The following UGT1A8 variants were observed in gnomAD, a reference collection of about 807,000 sequenced individuals.
UGT1A8 encodes UDP glucuronosyltransferase family 1 member A8.
UGT1A8 carries 39 observed loss-of-function variants against 45.3 expected under a neutral mutation model. The observed-to-expected ratio is 0.86, with a 90% CI of 0.67 to 1.12. The LOEUF is 1.12. UGT1A8 is among the 50% of genes most tolerant of loss of function. The pLI, the probability that UGT1A8 is intolerant of heterozygous loss-of-function variation, is 0.00. For missense variants in UGT1A8, 719 were observed against 664.9 expected (o/e 1.08, Z -0.90); for synonymous variants, 275 against 249.2 (o/e 1.10, Z -0.97).
At chr2:233,619,950 T>C (rs2072970424) in intron 1 of UGT1A8, among the ~76,000 whole-genome samples, 1 of 152,158 alleles carries the variant, frequency 6.6e-6, no homozygotes, top group Non-Finnish European at 1.5e-5. Flanking sequence ...GACTGAAAAA[T>C]CCTTGAAAAA....
chr2:233,682,770 A>G, intron 1 of UGT1A8: 2 of 1,613,604 alleles, frequency 1.2e-6, no homozygotes, highest in Non-Finnish European at 8.5e-7. Context: ...ATCAACTGTC[A>G]TCAGGGAAAG....
intron 1 of UGT1A8, among the ~76,000 whole-genome samples, chr2:233,728,166 GGAACCATTCTTATCAGAACTT>G (rs1169648713): frequency 6.6e-6 from 1 of 152,212 alleles, no homozygotes; most frequent in Non-Finnish European, 1.5e-5. Flanking sequence ...CTGTTCTGGA[GGAACCATTCTTATCAGAACTT>G]GGTGCTGGAT....
At chr2:233,628,457 T>G (rs1048235394) in intron 1 of UGT1A8, among the ~76,000 whole-genome samples, 22 of 152,190 alleles carry the variant, frequency 1.4e-4, no homozygotes, top group Non-Finnish European at 2.9e-4. Context: ...GATTAGTTTT[T>G]AAGTATTGTA....
chr2:233,656,674 A>G (rs894872003), intron 1 of UGT1A8, among the ~76,000 whole-genome samples: 17 of 152,152 alleles, frequency 1.1e-4, no homozygotes, highest in African/African-American at 4.1e-4. Context: ...AAAGTGGGTC[A>G]GTTGTGTTTA....
Position 233,769,638 on chromosome 2 carries a change from A to C in UGT1A8, c.1295+1199A>C. 1 of 1,610,122 alleles carries C rather than the reference A, an allele frequency of 6.2e-7. No homozygotes were observed. On this transcript the variant is annotated intron_variant, in intron 4 of 4. Transcript: ENST00000373450. This position sits in a 1 kb window ranked among gnomAD's most constrained non-coding sequence, Gnocchi z 4.4. ...CTTGAGCAAGGGACAACAGGGGAGGACTGATGACTGACTTCCCACCTTTGA... is the reference window on the plus strand; with the variant it reads ...CTTGAGCAAGGGACAACAGGGGAGGCCTGATGACTGACTTCCCACCTTTGA...
chr2:233,690,723 C>T (rs1575444181), intron 1 of UGT1A8: 1 of 1,214,546 alleles, frequency 8.2e-7, no homozygotes, highest in South Asian at 1.5e-5. Context: ...GACGAACAGA[C>T]ATGCCAGATT....
At chr2:233,724,617 C>T (rs553228713) in intron 1 of UGT1A8, among the ~76,000 whole-genome samples, 3,256 of 135,154 alleles carry the variant, frequency 0.024, 113 homozygotes, top group African/African-American at 0.056. Context: ...CGGGCAGAGA[C>T]GCTCCTCACT....
At chr2:233,682,023 T>C in intron 1 of UGT1A8, 1 of 1,614,128 alleles carries the variant, frequency 6.2e-7, no homozygotes. Flanking sequence ...GGGAAGCTGC[T>C]GGTAGTGCCC....
In UGT1A8 at chr2:233,725,255, AGAGGCAGAG is replaced by A. The variant is rs1488139555; in HGVS notation, c.856-41768_856-41760del. On this transcript the variant is annotated intron_variant, in intron 1 of 4. Coordinates refer to ENST00000373450, the MANE Select transcript of UGT1A8 (RefSeq NM_019076.5). Reference sequence around the variant, plus strand: ...CAGAGGAGGCAGAGGCAGAGGAGGCAGAGGCAGAGGAGGCAGAGGCAGAGGCAGAGGCAG... The same window carrying A: ...CAGAGGAGGCAGAGGCAGAGGAGGCAGAGGCAGAGGCAGAGGCAGAGGCAG... Among the ~76,000 whole-genome samples, 19 of 63,990 alleles carry A rather than the reference AGAGGCAGAG, an allele frequency of 3.0e-4. 2 individuals carry two copies. Among genetic ancestry groups the A allele is most frequent in the African/African-American group, 1.5e-3 (12 of 7,816 alleles). 42.0% of individuals were successfully genotyped at this position (63,990 alleles called of 152,430 possible).
At chr2:233,747,969 T>G in intron 1 of UGT1A8, 1 of 1,613,504 alleles carries the variant, frequency 6.2e-7, no homozygotes. Flanking sequence ...CAGCCATGCA[T>G]CTGTGTGGCT....
intron 1 of UGT1A8, among the ~76,000 whole-genome samples, chr2:233,638,722 C>G (rs1471603103): frequency 3.3e-5 from 5 of 152,122 alleles, no homozygotes; most frequent in Non-Finnish European, 7.4e-5. Context: ...TTACAAGATT[C>G]AGTAGACTTT....
intron 1 of UGT1A8, chr2:233,672,099 G>A (rs1427822669): frequency 6.2e-7 from 1 of 1,614,164 alleles, no homozygotes; most frequent in Admixed American, 1.7e-5. Flanking sequence ...GGCATGAGGT[G>A]GTTGTAGTCA....
chr2:233,713,749 C>G (rs1291086898), intron 1 of UGT1A8: 3 of 1,613,848 alleles, frequency 1.9e-6, no homozygotes, highest in South Asian at 2.2e-5. Context: ...AGCCATGCAT[C>G]TGTGTGGCTG....
At chr2:233,627,611 T>C (rs537561138) in intron 1 of UGT1A8, among the ~76,000 whole-genome samples, 2 of 150,412 alleles carry the variant, frequency 1.3e-5, no homozygotes, top group Non-Finnish European at 3.0e-5. Flanking sequence ...GAATCTCCCT[T>C]CCTTCCTTCC....
chr2:233,737,563 C>G (rs1384498695), intron 1 of UGT1A8, among the ~76,000 whole-genome samples: 1 of 152,164 alleles, frequency 6.6e-6, no homozygotes, highest in Non-Finnish European at 1.5e-5. Context: ...GTGGGATGCA[C>G]CCACTATCCA....
At chr2:233,682,603 T>A (rs775314877) in intron 1 of UGT1A8, 2 of 1,613,928 alleles carry the variant, frequency 1.2e-6, no homozygotes, top group Non-Finnish European at 1.7e-6. Flanking sequence ...TTTGCCCCTA[T>A]TTTTTCAAAA....
chr2:233,695,725 A>G (rs148542326), intron 1 of UGT1A8, among the ~76,000 whole-genome samples: 2 of 152,086 alleles, frequency 1.3e-5, no homozygotes, highest in South Asian at 4.1e-4. Context: ...TTCCAGTTAC[A>G]TTTATGTTGC....
At chr2:233,663,052 T>C (rs2074006795) in intron 1 of UGT1A8, among the ~76,000 whole-genome samples, 1 of 152,198 alleles carries the variant, frequency 6.6e-6, no homozygotes, top group Non-Finnish European at 1.5e-5. Context: ...TTCACATTGC[T>C]GTGCAACCAA....
chr2:233,729,775 C>A (rs775577941), intron 1 of UGT1A8: 2 of 1,613,944 alleles, frequency 1.2e-6, no homozygotes, highest in South Asian at 2.2e-5. Context: ...CATGCTCTAC[C>A]CTCTGGCCCT....
Sources: allele counts gnomAD v4.1 joint callset (sites outside exome capture counted in the v4.1 genomes callset), GRCh38; gene constraint gnomAD v4.1.1; non-coding constraint Gnocchi (gnomAD v3.1); transcripts MANE v1.5; gene names NCBI Gene and HGNC (gene_info 2026-07-23, HGNC 2026-07-21).